Variants in COMMD7 observed in about 807,000 individuals in gnomAD.
COMMD7 encodes COMM domain-containing protein 7.
In COMMD7, 28 loss-of-function variants were observed where a neutral mutation model predicts 34.8. The ratio of observed to expected loss-of-function variants is 0.80; its 90% CI spans 0.60 to 1.10. The LOEUF is 1.10. Among genes scored for constraint, COMMD7 ranks in the 50% least tolerant of loss-of-function variants. COMMD7 has a pLI of 0.00. For synonymous variants in COMMD7, 80 were observed against 86.4 expected (o/e 0.93, Z 0.41); for missense variants, 211 against 241.6 (o/e 0.87, Z 0.84).
chr20:32,725,448 A>G (rs1315521747), intron 3 of COMMD7, among the ~76,000 whole-genome samples: 1 of 25,182 alleles, frequency 4.0e-5, no homozygotes, highest in East Asian at 5.5e-4. Context: ...TTTTTTTTTG[A>G]GACGGAGTGT....
At chr20:32,720,556 TC>T (rs1353198649) in intron 3 of COMMD7, among the ~76,000 whole-genome samples, 1 of 152,120 alleles carries the variant, frequency 6.6e-6, no homozygotes, top group East Asian at 1.9e-4. Context: ...ATGCCTGTAA[TC>T]CCAGCATTTT....
intron 1 of COMMD7, among the ~76,000 whole-genome samples, chr20:32,735,526 A>T (rs1986092371): frequency 2.0e-5 from 3 of 152,166 alleles, no homozygotes; most frequent in Admixed American, 2.0e-4. Context: ...CATGTTGGCC[A>T]GACTGGTCTT....
intron 5 of COMMD7, among the ~76,000 whole-genome samples, chr20:32,706,137 G>A (rs1458357188): frequency 6.6e-6 from 1 of 151,636 alleles, no homozygotes; most frequent in East Asian, 1.9e-4. Context: ...GGTGGAGGTT[G>A]CAGTGAGCCG....
At chr20:32,732,279 C>G (rs1470840469) in intron 1 of COMMD7, among the ~76,000 whole-genome samples, 2 of 152,026 alleles carry the variant, frequency 1.3e-5, no homozygotes, top group Non-Finnish European at 2.9e-5. Context: ...TTTGTAGAGA[C>G]AGGGTCTCAC....
chr20:32,728,651 C>T (rs1180464669), intron 1 of COMMD7, among the ~76,000 whole-genome samples: 1 of 151,144 alleles, frequency 6.6e-6, no homozygotes, highest in Non-Finnish European at 1.5e-5. Flanking sequence ...ACTGCAACCT[C>T]TGCCTCCTGG....
chr20:32,743,189 A>C, intron 1 of COMMD7, 119 bp downstream of exon 1: 1 of 843,126 alleles, frequency 1.2e-6, no homozygotes. Context: ...AACGCCCACA[A>C]GACGCCGCTC....
intron 1 of COMMD7, among the ~76,000 whole-genome samples, chr20:32,738,062 T>C (rs1053509667): frequency 3.9e-5 from 6 of 152,136 alleles, no homozygotes; most frequent in African/African-American, 1.2e-4. Flanking sequence ...GCTACCACCA[T>C]AGGCTTTGAA....
intron 3 of COMMD7, among the ~76,000 whole-genome samples, chr20:32,719,409 A>G (rs555840067): frequency 9.2e-5 from 14 of 152,312 alleles, no homozygotes; most frequent in African/African-American, 3.1e-4. Context: ...GCACTTTGGG[A>G]GGCCAAGGTG....
At chr20:32,737,156 T>G (rs1223605622) in intron 1 of COMMD7, among the ~76,000 whole-genome samples, 1 of 151,676 alleles carries the variant, frequency 6.6e-6, no homozygotes, top group Non-Finnish European at 1.5e-5. Flanking sequence ...CATTCCAGCC[T>G]GGGTGACAGA....
In COMMD7 at chr20:32,709,536, C is replaced by T. The variant is rs754505841; in HGVS notation, c.242-2776G>A. 1.5e-4 allele frequency among the ~76,000 whole-genome samples: 23 copies of T among 152,152 alleles called. 1 individual carries two copies. Among genetic ancestry groups the T allele is most frequent in the South Asian group, 8.3e-4 (4 of 4,826 alleles). On this transcript the variant is annotated intron_variant, in intron 3 of 8. Coordinates refer to ENST00000278980, the MANE Select transcript of COMMD7 (RefSeq NM_053041.3). ...CTGCACTCAAGCCTGGGCGACAGAGCGAGACTCCGTCTCAAAAACAAACGA... is the reference window on the plus strand; with the variant it reads ...CTGCACTCAAGCCTGGGCGACAGAGTGAGACTCCGTCTCAAAAACAAACGA...
At chr20:32,716,487 C>T (rs923883335) in intron 3 of COMMD7, among the ~76,000 whole-genome samples, 3 of 152,038 alleles carry the variant, frequency 2.0e-5, no homozygotes, top group Non-Finnish European at 4.4e-5. Flanking sequence ...TGGTGGCAGG[C>T]GCCTGTAGTC....
At chr20:32,726,171 C>T (rs933327126) in intron 3 of COMMD7, among the ~76,000 whole-genome samples, 15 of 151,628 alleles carry the variant, frequency 9.9e-5, no homozygotes, top group Admixed American at 7.9e-4. Context: ...GGGTGGATCA[C>T]GAGGTCAGGA....
At chr20:32,726,072 A>G (rs1985495862) in intron 3 of COMMD7, among the ~76,000 whole-genome samples, 1 of 151,260 alleles carries the variant, frequency 6.6e-6, no homozygotes, top group African/African-American at 2.4e-5. Flanking sequence ...CAAAAAAAAA[A>G]AAAAAAAAAA....
At chr20:32,704,631 T>A in intron 6 of COMMD7, 142 bp from the exon 7 acceptor site, 1 of 954,676 alleles carries the variant, frequency 1.0e-6, no homozygotes, top group East Asian at 2.6e-5. Context: ...GGTGTGCTTT[T>A]GGAAAGTCAA....
chr20:32,720,732 G>A (rs1985102298), intron 3 of COMMD7, among the ~76,000 whole-genome samples: 1 of 152,184 alleles, frequency 6.6e-6, no homozygotes, highest in Admixed American at 6.6e-5. Flanking sequence ...CTTAAGCCCT[G>A]GAGTTGGAGG....
chr20:32,704,593 C>T, intron 6 of COMMD7, 104 bp from the exon 7 acceptor site: 1 of 1,234,244 alleles, frequency 8.1e-7, no homozygotes, highest in Non-Finnish European at 1.1e-6. Flanking sequence ...CAGCAGAAGC[C>T]ATGTGGGGGC....
rs550465015 is a variant in COMMD7, at chr20:32,725,436, T to TTG, written c.241+2456_241+2457insCA. 1.1e-3 allele frequency among the ~76,000 whole-genome samples: 161 copies of TTG among 147,780 alleles called. 1 individual carries two copies. The highest frequency in any genetic ancestry group is 1.7e-3 in the Non-Finnish European group (116 of 67,028). On this transcript the variant is annotated intron_variant, in intron 3 of 8. Coordinates refer to ENST00000278980, the MANE Select transcript of COMMD7 (RefSeq NM_053041.3). ...ATAGCTCTATACTGTGTTTTGTTTTTTTTTTTTTTTGAGACGGAGTGTTGC... is the reference window on the plus strand; with the variant it reads ...ATAGCTCTATACTGTGTTTTGTTTTTTGTTTTTTTTTTGAGACGGAGTGTTGC...
chr20:32,711,479 C>T (rs1367401578), intron 3 of COMMD7, among the ~76,000 whole-genome samples: 1 of 151,884 alleles, frequency 6.6e-6, no homozygotes, highest in Non-Finnish European at 1.5e-5. Context: ...ACTGACAGAG[C>T]CAAGTGGCTT....
chr20:32,743,431 G>A lies in COMMD7; in HGVS notation c.-40C>T. Reference sequence around the variant, plus strand: ...CCCCGCAGGTTCCACCGCCGCCGCCGCCCTGCTCAGCTTCCTCCTCCGCTG... The same window carrying A: ...CCCCGCAGGTTCCACCGCCGCCGCCACCCTGCTCAGCTTCCTCCTCCGCTG... On this transcript the variant is annotated 5_prime_UTR_variant, in exon 1 of 9. Transcript: ENST00000278980. 1.6e-6 allele frequency: 2 copies of A among 1,267,760 alleles called. No homozygotes were observed. Among genetic ancestry groups the A allele is most frequent in the East Asian group, 3.2e-5 (1 of 30,980 alleles). The allele number at this position is 1,267,760 out of a possible 1,614,324, so 78.5% of individuals were successfully genotyped here.
Sources: gnomAD v4.1 joint callset for allele counts (sites outside exome capture counted in the v4.1 genomes callset) on GRCh38, gnomAD v4.1.1 for gene constraint, MANE v1.5 for transcripts, NCBI Gene and HGNC (gene_info 2026-07-23, HGNC 2026-07-21) for gene names.